RIMS2: variants seen among roughly 807,000 people sequenced by gnomAD.
RIMS2 encodes regulating synaptic membrane exocytosis 2.
A neutral mutation model predicts 174.4 loss-of-function variants in RIMS2; 59 were observed. That is an observed-to-expected ratio of 0.34 (90% CI 0.27 to 0.42). The LOEUF (loss-of-function observed/expected upper bound fraction) is 0.42. Ranked by LOEUF, RIMS2 falls within the 10% of genes least tolerant of loss-of-function variation. The pLI is 1.00. For missense variants in RIMS2, 1,620 were observed against 1,666.3 expected (o/e 0.97, Z 0.48); for synonymous variants, 606 against 572.5 (o/e 1.06, Z -0.84).
intron 6 of RIMS2, 109 bp from the exon 10 acceptor site, chr8:103,915,386 A>G: frequency 3.8e-6 from 2 of 527,646 alleles, no homozygotes. Context: ...CTGTACATTA[A>G]ATTAGCGTTT....
At chr8:103,737,994 G>C (rs2097708784) in intron 2 of RIMS2, among the ~76,000 whole-genome samples, 1 of 152,052 alleles carries the variant, frequency 6.6e-6, no homozygotes, top group Non-Finnish European at 1.5e-5. Context: ...TTCTCCACTA[G>C]ACGATAAGTT....
chr8:103,839,125 T>G (rs1183791762), intron 3 of RIMS2, among the ~76,000 whole-genome samples: 1 of 152,224 alleles, frequency 6.6e-6, no homozygotes, highest in Non-Finnish European at 1.5e-5. Flanking sequence ...TTTATCCACT[T>G]TTCCACGAAA....
At chr8:103,514,568 A>T (rs556563722) in intron 1 of RIMS2, among the ~76,000 whole-genome samples, 1 of 151,778 alleles carries the variant, frequency 6.6e-6, no homozygotes, top group South Asian at 2.1e-4. Context: ...AATTTTTTTC[A>T]ATATCTACAA....
At position 104,007,866 on chromosome 8, in the gene RIMS2, A is replaced by G. The variant is rs181480816; in HGVS notation, c.3045-5576A>G. 2.2e-4 allele frequency among the ~76,000 whole-genome samples: 33 copies of G among 152,304 alleles called. No individual in the cohort carries two copies. The East Asian group carries it at 6.0e-3, about 28-fold the overall frequency. On this transcript the variant is annotated intron_variant, in intron 17 of 23. Transcript: ENST00000504942. ...CATTAAACAACCTTCAGACTGCTAC[A>G]TCTGAGTATGAGATTTGGACTTATT... is the stretch of plus-strand genomic sequence containing the variant.
intron 1 of RIMS2, among the ~76,000 whole-genome samples, chr8:103,537,037 AG>A (rs2131106930): frequency 6.6e-6 from 1 of 152,348 alleles, no homozygotes; most frequent in Non-Finnish European, 1.5e-5. Flanking sequence ...CATATTTGCC[AG>A]GCACTGGGGA....
At chr8:104,043,094 A>G (rs2096635791) in intron 19 of RIMS2, among the ~76,000 whole-genome samples, 1 of 151,610 alleles carries the variant, frequency 6.6e-6, no homozygotes, top group South Asian at 2.1e-4. Flanking sequence ...AGAGAAGACA[A>G]ATATGTTGTT....
chr8:104,207,888 G>T (rs1260820447), intron 19 of RIMS2, among the ~76,000 whole-genome samples: 1 of 151,080 alleles, frequency 6.6e-6, no homozygotes, highest in Non-Finnish European at 1.5e-5. Context: ...GTGGCCCACT[G>T]CATAAATGAG....
chr8:103,611,434 A>G (rs2095363061), intron 1 of RIMS2, among the ~76,000 whole-genome samples: 1 of 151,844 alleles, frequency 6.6e-6, no homozygotes, highest in South Asian at 2.1e-4. Flanking sequence ...CTTGCCCATT[A>G]ACATTTGTGT....
chr8:104,146,151 G>A (rs917790669), intron 19 of RIMS2, among the ~76,000 whole-genome samples: 1 of 138,166 alleles, frequency 7.2e-6, no homozygotes, highest in Non-Finnish European at 1.5e-5. Context: ...GATCACTTGC[G>A]TCCAGGAGTT....
Position 104,015,798 on chromosome 8 carries a change from G to A in RIMS2, c.3334+1183G>A, listed in dbSNP as rs562299661. On this transcript the variant is annotated intron_variant, in intron 19 of 23. Transcript: ENST00000504942. ...ACCAAAGATATCAATTGCAGTCTAC[G>A]TTTACATCATTGAGGATGTACACAT... 3.9e-5 allele frequency among the ~76,000 whole-genome samples: 6 copies of A among 152,052 alleles called. No homozygotes were observed. In the South Asian group the frequency reaches 8.3e-4, roughly 21 times the overall value.
At position 103,876,356 on chromosome 8, in the gene RIMS2, A is replaced by T. The variant is rs369709501; in HGVS notation, c.699-8942A>T. Among the ~76,000 whole-genome samples, 53 of 151,850 alleles carry T rather than the reference A, an allele frequency of 3.5e-4. 1 individual carries two copies. Among genetic ancestry groups the T allele is most frequent in the African/African-American group, 1.2e-3 (51 of 41,506 alleles). ...TTTTCGAAGCACCATTCATTGAACA[A>T]GGTATCCCTTCCCCAGTGTATGGTT... On this transcript the variant is annotated intron_variant, in intron 3 of 23. Coordinates refer to ENST00000504942, the Ensembl canonical transcript of RIMS2.
chr8:103,957,931 G>A (rs1275980711), intron 14 of RIMS2, among the ~76,000 whole-genome samples: 1 of 152,130 alleles, frequency 6.6e-6, no homozygotes, highest in Non-Finnish European at 1.5e-5. Context: ...TGGAGAAAAG[G>A]GAACACTTAC....
At chr8:103,884,034 C>A (rs2099185425) in intron 3 of RIMS2, among the ~76,000 whole-genome samples, 1 of 151,874 alleles carries the variant, frequency 6.6e-6, no homozygotes, top group South Asian at 2.1e-4. Context: ...TGAATTAAAA[C>A]CCTTCCTACC....
chr8:104,115,004 A>C (rs1026011535), intron 19 of RIMS2, among the ~76,000 whole-genome samples: 1 of 152,094 alleles, frequency 6.6e-6, no homozygotes, highest in African/African-American at 2.4e-5. Flanking sequence ...TCAGAATATT[A>C]CTGCATAATA....
chr8:103,605,763 G>T (rs10282911), intron 1 of RIMS2, among the ~76,000 whole-genome samples: 53,250 of 151,082 alleles, frequency 0.35, 10,111 homozygotes, highest in East Asian at 0.77. Flanking sequence ...ATCCATTTCT[G>T]CTAGATTTTC....
chr8:104,086,581 A>C (rs1396599795), intron 19 of RIMS2, among the ~76,000 whole-genome samples: 1 of 152,068 alleles, frequency 6.6e-6, no homozygotes, highest in Non-Finnish European at 1.5e-5. Flanking sequence ...TTCCTCTGTA[A>C]ATTATCCAGG....
chr8:103,937,024 G>C (rs565847413), intron 13 of RIMS2, among the ~76,000 whole-genome samples: 1 of 152,024 alleles, frequency 6.6e-6, no homozygotes, highest in Non-Finnish European at 1.5e-5. Context: ...CGTGAGCCCG[G>C]GAGGCAGAGG....
chr8:104,138,900 G>T (rs1318717078), intron 19 of RIMS2, among the ~76,000 whole-genome samples: 1 of 152,118 alleles, frequency 6.6e-6, no homozygotes, highest in East Asian at 1.9e-4. Context: ...ATAATTTGAG[G>T]TCTTAAATTT....
chr8:104,140,093 C>T (rs969150592), intron 19 of RIMS2, among the ~76,000 whole-genome samples: 11 of 152,238 alleles, frequency 7.2e-5, no homozygotes, highest in East Asian at 5.8e-4. Flanking sequence ...GAACCATCTT[C>T]GCATCGCTAG....
Sources: gnomAD v4.1 joint callset for allele counts (sites outside exome capture counted in the v4.1 genomes callset) on GRCh38, gnomAD v4.1.1 for gene constraint, MANE v1.5 for transcripts, NCBI Gene and HGNC (gene_info 2026-07-23, HGNC 2026-07-21) for gene names.